SATB2: variants seen among roughly 807,000 people sequenced by gnomAD.
SATB2 encodes SATB homeobox 2.
SATB2 carries 1 observed loss-of-function variant against 73.4 expected under a neutral mutation model. The ratio of observed to expected loss-of-function variants is 0.01; its 90% CI spans 0.00 to 0.06. The LOEUF is 0.06. Ranked by LOEUF, SATB2 falls within the 10% of genes least tolerant of loss-of-function variation. The pLI, the probability that SATB2 is intolerant of heterozygous loss-of-function variation, is 1.00. For synonymous variants in SATB2, 397 were observed against 367.0 expected, an observed-to-expected ratio of 1.08 and a Z score of -0.93; for missense variants, 459 against 945.8, an observed-to-expected ratio of 0.49 and a Z score of 6.75.
At chr2:199,459,612 G>T (rs1692419966), upstream of SATB2, 1 of 152,754 alleles carries the variant, frequency 6.5e-6, no homozygotes, top group East Asian at 1.9e-4. This position sits in a 1 kb window ranked among gnomAD's most constrained non-coding sequence, Gnocchi z 4.2. Context: ...TGTCCCTCCC[G>T]CACACGTTGA....
chr2:199,364,604 C>T (rs1164369964), intron 6 of SATB2, among the ~76,000 whole-genome samples: 1 of 152,076 alleles, frequency 6.6e-6, no homozygotes, highest in Non-Finnish European at 1.5e-5. Flanking sequence ...GGCCAAAATA[C>T]AGGGTTTGGT....
intron 10 of SATB2, among the ~76,000 whole-genome samples, chr2:199,307,158 G>A (rs1484383606): frequency 6.6e-6 from 1 of 152,014 alleles, no homozygotes. Context: ...TGGCTGAACT[G>A]TAGCATTTAC....
At chr2:199,435,174 G>A (rs1425553897) in intron 2 of SATB2, among the ~76,000 whole-genome samples, 1 of 150,314 alleles carries the variant, frequency 6.7e-6, no homozygotes, top group Non-Finnish European at 1.5e-5. Flanking sequence ...TATAAGATAC[G>A]AGTGGAGTAG....
chr2:199,348,511 C>CA, intron 7 of SATB2, 190 bp downstream of exon 7: 1 of 629,880 alleles, frequency 1.6e-6, no homozygotes, highest in South Asian at 1.9e-5. Flanking sequence ...CAAAATTAAT[C>CA]AATTAGTTAA....
intron 6 of SATB2, among the ~76,000 whole-genome samples, chr2:199,366,485 T>G (rs1239977928): frequency 2.6e-5 from 4 of 152,120 alleles, no homozygotes; most frequent in Middle Eastern, 3.2e-3. Context: ...TCTGGGTGTT[T>G]ATTTTCTGTA....
rs543240348 is a variant in SATB2, at chr2:199,464,301, G to C, written c.-141+535C>G. On this transcript the variant is annotated intron_variant, in intron 1 of 11. Coordinates refer to the SATB2 transcript ENST00000260926. This position sits in a 1 kb window ranked among gnomAD's most constrained non-coding sequence, Gnocchi z 6.6. ...AGAGGAACAGGGCATCGCCTCGCGC[G>C]GTCCCGGAGCCACATCCGGACTTGG... Among the ~76,000 whole-genome samples, 4 of 152,092 alleles carry C rather than the reference G, an allele frequency of 2.6e-5. No homozygotes were observed. Among genetic ancestry groups the C allele is most frequent in the Non-Finnish European group, 4.4e-5 (3 of 68,016 alleles).
chr2:199,300,540 C>T (rs1231265986), intron 10 of SATB2, among the ~76,000 whole-genome samples: 1 of 151,978 alleles, frequency 6.6e-6, no homozygotes, highest in Non-Finnish European at 1.5e-5. Flanking sequence ...AATAGAAAGA[C>T]AATATATATT....
intron 10 of SATB2, among the ~76,000 whole-genome samples, chr2:199,298,544 T>C (rs984990542): frequency 6.6e-6 from 1 of 152,232 alleles, no homozygotes; most frequent in Non-Finnish European, 1.5e-5. Context: ...CAAAATGCTT[T>C]AACAATGACT....
Position 199,317,003 on chromosome 2 carries a change from CTGTATAT to C in SATB2, c.1542+6793_1542+6799del, listed in dbSNP as rs1469680339. ...ATGCCAGCATACCTGTGACGTATCA[CTGTATAT>C]TGCAAACTTCCTCAAGAAGTTATCA... On this transcript the variant is annotated intron_variant, in intron 9 of 10. Coordinates refer to ENST00000417098, the MANE Select transcript of SATB2 (RefSeq NM_001172509.2). Among the ~76,000 whole-genome samples, 4 of 150,878 alleles carry C rather than the reference CTGTATAT, an allele frequency of 2.7e-5. No individual in the cohort carries two copies. The East Asian group carries it at 7.9e-4, about 30-fold the overall frequency.
intron 10 of SATB2, among the ~76,000 whole-genome samples, chr2:199,296,147 C>T (rs1268743924): frequency 6.6e-6 from 1 of 152,206 alleles, no homozygotes; most frequent in Non-Finnish European, 1.5e-5. Context: ...AGAAAATCAA[C>T]TGGGTCTCTG....
chr2:199,407,975 C>T (rs1330012607), intron 3 of SATB2, among the ~76,000 whole-genome samples: 1 of 152,162 alleles, frequency 6.6e-6, no homozygotes, highest in Non-Finnish European at 1.5e-5. Flanking sequence ...AATCCCAAAC[C>T]ATGATCCTGT....
rs1279883395 is a variant in SATB2, at chr2:199,464,334, G to GT, written c.-141+501dup. The stretch of plus-strand genomic sequence containing the variant: ...AGCCACATCCGGACTTGGGAACCCC[G>GT]TGTCGGGCTTAGAGGACTTCACTGG... On this transcript the variant is annotated intron_variant, in intron 1 of 11. Transcript: ENST00000260926. The surrounding 1 kb of genome is among the most constrained non-coding windows in gnomAD (Gnocchi z 6.6). Among the ~76,000 whole-genome samples the GT allele has an allele frequency of 6.6e-6, 1 of 152,148 alleles. No individual in the cohort carries two copies. The highest frequency in any genetic ancestry group is 1.9e-4 in the East Asian group (1 of 5,172).
intron 3 of SATB2, among the ~76,000 whole-genome samples, chr2:199,386,698 GCGCGCGCGCGCGCGCGCGCA>G (rs1689952285): frequency 3.6e-4 from 2 of 5,600 alleles, no homozygotes; most frequent in African/African-American, 4.0e-4. Context: ...GTGCGCAAGC[GCGCGCGCGCGCGCGCGCGCA>G]CACACACACA....
chr2:199,334,238 G>A (rs1688271684), intron 7 of SATB2, among the ~76,000 whole-genome samples: 2 of 151,898 alleles, frequency 1.3e-5, no homozygotes, highest in South Asian at 4.1e-4. Flanking sequence ...AGAAACATTT[G>A]GACTAGATAG....
At chr2:199,441,257 A>G (rs1691809131) in intron 2 of SATB2, among the ~76,000 whole-genome samples, 1 of 152,210 alleles carries the variant, frequency 6.6e-6, no homozygotes, top group South Asian at 2.1e-4. Flanking sequence ...AATAATAAAT[A>G]ATATTCAATA....
chr2:199,399,914 A>C (rs1326150663), intron 3 of SATB2, among the ~76,000 whole-genome samples: 1 of 152,184 alleles, frequency 6.6e-6, no homozygotes, highest in Non-Finnish European at 1.5e-5. Context: ...AAACTACATC[A>C]ATATAAATAT....
intron 5 of SATB2, among the ~76,000 whole-genome samples, chr2:199,371,613 G>T (rs1689447898): frequency 6.6e-6 from 1 of 152,146 alleles, no homozygotes; most frequent in Admixed American, 6.6e-5. Context: ...TGCCAAAAAA[G>T]ATCTAATTCA....
intron 4 of SATB2, among the ~76,000 whole-genome samples, chr2:199,381,115 G>C (rs1482249605): frequency 6.6e-6 from 1 of 152,180 alleles, no homozygotes; most frequent in Non-Finnish European, 1.5e-5. Flanking sequence ...GTTCTTTAGA[G>C]AGATATCTTG....
intron 3 of SATB2, among the ~76,000 whole-genome samples, chr2:199,398,096 T>C (rs1690356282): frequency 6.6e-6 from 1 of 152,062 alleles, no homozygotes; most frequent in Non-Finnish European, 1.5e-5. Context: ...CTCAGGGCAA[T>C]GAGAAGCCAA....
Sources: allele counts gnomAD v4.1 joint callset (sites outside exome capture counted in the v4.1 genomes callset), GRCh38; gene constraint gnomAD v4.1.1; non-coding constraint Gnocchi (gnomAD v3.1); transcripts MANE v1.5; gene names NCBI Gene and HGNC (gene_info 2026-07-23, HGNC 2026-07-21).